Variants in SLC35F1 observed in about 807,000 individuals in gnomAD.
The protein encoded by SLC35F1 is solute carrier family 35 member F1, also known as chromosome 6 open reading frame 169.
SLC35F1 carries 14 observed loss-of-function variants against 48.7 expected under a neutral mutation model. That is an observed-to-expected ratio of 0.29 (90% CI 0.19 to 0.45). SLC35F1 has a LOEUF of 0.45. SLC35F1 is among the 20% of genes least tolerant of loss of function. The pLI, the probability that SLC35F1 is intolerant of heterozygous loss-of-function variation, is 1.00. For synonymous variants in SLC35F1, 190 were observed against 202.2 expected (o/e 0.94, Z 0.51); for missense variants, 404 against 500.0 (o/e 0.81, Z 1.83).
chr6:118,268,601 T>TATATATA (rs59597751), intron 4 of SLC35F1, among the ~76,000 whole-genome samples: 274 of 45,152 alleles, frequency 6.1e-3, no homozygotes, highest in South Asian at 0.025. Context: ...TATATATATA[T>TATATATA]TTTTTTTTTT....
rs1470934935 is a variant in SLC35F1 at position 117,924,110 on chromosome 6, T to C, written c.173+16211T>C. 1.4e-5 allele frequency among the ~76,000 whole-genome samples: 2 copies of C among 145,342 alleles called. 1 individual carries two copies. The highest frequency in any genetic ancestry group is 4.3e-4 in the South Asian group (2 of 4,622). The stretch of plus-strand genomic sequence containing the variant: ...ATACACACATAGGTACACATGCATA[T>C]GTATATACACACATAGGTACACATG... On this transcript the variant is annotated intron_variant, in intron 1 of 7. Transcript: ENST00000360388.
intron 3 of SLC35F1, among the ~76,000 whole-genome samples, chr6:118,243,509 G>T (rs1775466931): frequency 6.6e-6 from 1 of 152,160 alleles, no homozygotes; most frequent in Non-Finnish European, 1.5e-5. Flanking sequence ...CCTGAGCCCT[G>T]CTATGAGGCA....
At chr6:117,970,837 G>A (rs1776628483) in intron 1 of SLC35F1, among the ~76,000 whole-genome samples, 1 of 152,084 alleles carries the variant, frequency 6.6e-6, no homozygotes, top group South Asian at 2.1e-4. Context: ...AGTTCCTACT[G>A]GGTCCCTTTC....
intron 1 of SLC35F1, among the ~76,000 whole-genome samples, chr6:117,938,301 T>C (rs1776185328): frequency 6.6e-6 from 1 of 152,212 alleles, no homozygotes; most frequent in African/African-American, 2.4e-5. Flanking sequence ...ATAAGTTTCA[T>C]AGGACCAAAA....
At chr6:118,147,956 A>G (rs943350948) in intron 1 of SLC35F1, among the ~76,000 whole-genome samples, 5 of 152,220 alleles carry the variant, frequency 3.3e-5, no homozygotes, top group Admixed American at 1.3e-4. Flanking sequence ...ATCTTCTTAC[A>G]TATAAGTCTA....
intron 1 of SLC35F1, among the ~76,000 whole-genome samples, chr6:118,060,371 G>A (rs1403124928): frequency 6.6e-6 from 1 of 151,920 alleles, no homozygotes; most frequent in Non-Finnish European, 1.5e-5. Flanking sequence ...TATTCCTAGC[G>A]AATGTAAATT....
chr6:118,030,044 G>A (rs1772022663), intron 1 of SLC35F1, among the ~76,000 whole-genome samples: 1 of 152,126 alleles, frequency 6.6e-6, no homozygotes, highest in South Asian at 2.1e-4. Flanking sequence ...GGAGATACAA[G>A]GTGTCGAAGT....
chr6:117,939,110 C>G (rs1392362552), intron 1 of SLC35F1, among the ~76,000 whole-genome samples: 10 of 151,418 alleles, frequency 6.6e-5, no homozygotes, highest in Non-Finnish European at 1.2e-4. Flanking sequence ...AATGATCTTC[C>G]TGCTTCTTCC....
chr6:118,061,555 T>G (rs1429512297), intron 1 of SLC35F1, among the ~76,000 whole-genome samples: 1 of 147,136 alleles, frequency 6.8e-6, no homozygotes, highest in Non-Finnish European at 1.5e-5. Flanking sequence ...ATATTTTATG[T>G]GTATATATAT....
chr6:117,926,086 GGT>G (rs1776023754), intron 1 of SLC35F1, among the ~76,000 whole-genome samples: 1 of 152,108 alleles, frequency 6.6e-6, no homozygotes, highest in Non-Finnish European at 1.5e-5. Context: ...ACAGTGATAT[GGT>G]TTGGCTCTGT....
intron 3 of SLC35F1, among the ~76,000 whole-genome samples, chr6:118,252,157 C>T (rs551021349): frequency 9.2e-5 from 14 of 151,990 alleles, no homozygotes; most frequent in South Asian, 8.3e-4. Context: ...GGCAGGGGAC[C>T]GATGTGATCT....
chr6:118,277,599 T>C (rs1775933710), intron 6 of SLC35F1, 53 bp downstream of exon 6: 2 of 1,514,562 alleles, frequency 1.3e-6, no homozygotes, highest in African/African-American at 2.7e-5. Context: ...GAAATGTGTT[T>C]GAAGAATGAT....
intron 7 of SLC35F1, among the ~76,000 whole-genome samples, chr6:118,310,991 A>G (rs1776365872): frequency 6.6e-6 from 1 of 152,148 alleles, no homozygotes; most frequent in Non-Finnish European, 1.5e-5. Context: ...CTACCTGGAT[A>G]CTCTGTATCC....
At chr6:117,987,499 T>A (rs1291816569) in intron 1 of SLC35F1, among the ~76,000 whole-genome samples, 1 of 151,950 alleles carries the variant, frequency 6.6e-6, no homozygotes, top group Non-Finnish European at 1.5e-5. Flanking sequence ...TCCTCATCTC[T>A]TTTCCCTCTT....
chr6:118,121,529 A>G (rs1773552972), intron 1 of SLC35F1, among the ~76,000 whole-genome samples: 2 of 152,210 alleles, frequency 1.3e-5, no homozygotes, highest in Non-Finnish European at 1.5e-5. Flanking sequence ...TTTCCACTGT[A>G]CAAATACCTC....
intron 1 of SLC35F1, among the ~76,000 whole-genome samples, chr6:118,027,412 G>A (rs1229595208): frequency 2.0e-5 from 3 of 152,148 alleles, no homozygotes; most frequent in Non-Finnish European, 4.4e-5. Context: ...CACCAGCAGT[G>A]TATGAGAGTT....
chr6:118,182,127 G>A (rs1774585830), intron 2 of SLC35F1, among the ~76,000 whole-genome samples: 1 of 151,646 alleles, frequency 6.6e-6, no homozygotes, highest in Non-Finnish European at 1.5e-5. Flanking sequence ...TATTCTTGGA[G>A]CTTAAGAAAT....
chr6:118,272,743 A>G (rs1426036095), intron 4 of SLC35F1, among the ~76,000 whole-genome samples: 14 of 98,040 alleles, frequency 1.4e-4, no homozygotes, highest in African/African-American at 6.0e-4. Flanking sequence ...GTGTGTATAT[A>G]TATATACATA....
chr6:118,193,647 C>T (rs1409005493), intron 2 of SLC35F1, among the ~76,000 whole-genome samples: 1 of 152,086 alleles, frequency 6.6e-6, no homozygotes, highest in Non-Finnish European at 1.5e-5. Flanking sequence ...ATAATGGTAA[C>T]TCTTAGCAAT....
Sources: gnomAD v4.1 joint callset for allele counts (sites outside exome capture counted in the v4.1 genomes callset) on GRCh38, gnomAD v4.1.1 for gene constraint, MANE v1.5 for transcripts, NCBI Gene and HGNC (gene_info 2026-07-23, HGNC 2026-07-21) for gene names.